The following CNTNAP2 variants were observed in gnomAD, a reference collection of about 807,000 sequenced individuals.
CNTNAP2 encodes the protein contactin associated protein 2.
CNTNAP2 carries 98 observed loss-of-function variants against 155.2 expected under a neutral mutation model. That is an observed-to-expected ratio of 0.63 (90% confidence interval 0.54 to 0.75). CNTNAP2 has a LOEUF of 0.75. Among genes scored for constraint, CNTNAP2 ranks in the 30% least tolerant of loss-of-function variants. The pLI is 0.00. For synonymous variants in CNTNAP2, 651 were observed against 631.2 expected (o/e 1.03, Z -0.47); for missense variants, 1,727 against 1,688.1 (o/e 1.02, Z -0.40).
chr7:146,699,169 C>T (rs1482611419), intron 1 of CNTNAP2, among the ~76,000 whole-genome samples: 1 of 152,088 alleles, frequency 6.6e-6, no homozygotes, highest in African/African-American at 2.4e-5. Flanking sequence ...CTGACTTTAA[C>T]TTGCCTTGTA....
intron 13 of CNTNAP2, among the ~76,000 whole-genome samples, chr7:147,722,505 T>A (rs1796579799): frequency 6.6e-6 from 1 of 152,124 alleles, no homozygotes; most frequent in South Asian, 2.1e-4. Flanking sequence ...TGCACAGCCC[T>A]TCACCTAATT....
intron 13 of CNTNAP2, among the ~76,000 whole-genome samples, chr7:147,893,880 T>C (rs28695531): frequency 0.031 from 4,706 of 152,240 alleles, 225 homozygotes; most frequent in African/African-American, 0.11. Context: ...TTAGGACTAG[T>C]AGCCTGTTTC....
intron 4 of CNTNAP2, among the ~76,000 whole-genome samples, chr7:147,093,196 G>A (rs1172859829): frequency 5.0e-5 from 7 of 139,326 alleles, no homozygotes; most frequent in African/African-American, 1.1e-4. Context: ...AGCTGAGATC[G>A]CACCACTGCA....
intron 1 of CNTNAP2, among the ~76,000 whole-genome samples, chr7:146,684,407 C>A (rs1290352118): frequency 6.6e-6 from 1 of 151,846 alleles, no homozygotes; most frequent in Non-Finnish European, 1.5e-5. Context: ...TATACACAAG[C>A]AAATGGAGGT....
rs951831260 is a variant in CNTNAP2 at position 146,537,626 on chromosome 7, T to C, written c.98-236645T>C. On this transcript the variant is annotated intron_variant, in intron 1 of 23. Coordinates refer to ENST00000361727, the MANE Select transcript of CNTNAP2 (RefSeq NM_014141.6). The stretch of plus-strand genomic sequence containing the variant: ...GGCCTTGCGATTTTAAGTTGGGTGG[T>C]ATGGGAAGATGTCACTGAGTAGATG... Among the ~76,000 whole-genome samples, 5 of 151,936 alleles carry C rather than the reference T, an allele frequency of 3.3e-5. No individual in the cohort carries two copies. The South Asian group carries it at 8.3e-4, about 25-fold the overall frequency.
chr7:147,522,844 T>G (rs2116709644), intron 11 of CNTNAP2, among the ~76,000 whole-genome samples: 1 of 151,890 alleles, frequency 6.6e-6, no homozygotes, highest in African/African-American at 2.4e-5. Flanking sequence ...AAAAAAATAT[T>G]ACTCTGCCTT....
At chr7:146,686,506 GACTTATGT>G (rs1302989500) in intron 1 of CNTNAP2, among the ~76,000 whole-genome samples, 2 of 151,970 alleles carry the variant, frequency 1.3e-5, no homozygotes, top group East Asian at 1.9e-4. Flanking sequence ...TACAAATACA[GACTTATGT>G]ACTCCTCTCC....
chr7:148,038,656 A>T (rs368831057), intron 15 of CNTNAP2, among the ~76,000 whole-genome samples: 13 of 152,280 alleles, frequency 8.5e-5, no homozygotes, highest in East Asian at 1.9e-4. Context: ...TACCCATTAA[A>T]TGTTTCTTTA....
chr7:147,483,839 G>T (rs938166305), intron 10 of CNTNAP2, among the ~76,000 whole-genome samples: 1 of 152,138 alleles, frequency 6.6e-6, no homozygotes. Context: ...CTCAGGGCCT[G>T]TACAGAATAG....
At chr7:148,392,952 T>C (rs1332998072) in intron 22 of CNTNAP2, among the ~76,000 whole-genome samples, 1 of 152,076 alleles carries the variant, frequency 6.6e-6, no homozygotes, top group Non-Finnish European at 1.5e-5. Context: ...ATCGGACACT[T>C]TACCACTGGC....
At chr7:147,959,024 T>C (rs963232362) in intron 14 of CNTNAP2, among the ~76,000 whole-genome samples, 16 of 152,182 alleles carry the variant, frequency 1.1e-4, no homozygotes, top group African/African-American at 3.9e-4. Context: ...TATTAAACTG[T>C]GATTCTGAAA....
At chr7:147,391,181 C>T (rs927391914) in intron 9 of CNTNAP2, among the ~76,000 whole-genome samples, 1 of 152,128 alleles carries the variant, frequency 6.6e-6, no homozygotes, top group Non-Finnish European at 1.5e-5. Context: ...AAATTAGACT[C>T]TCTGGTTCAA....
chr7:147,167,755 A>C (rs1034513353), intron 8 of CNTNAP2, among the ~76,000 whole-genome samples: 3 of 152,108 alleles, frequency 2.0e-5, no homozygotes, highest in Non-Finnish European at 2.9e-5. Flanking sequence ...AGTTTGAAAA[A>C]TACCTTCATT....
intron 1 of CNTNAP2, among the ~76,000 whole-genome samples, chr7:146,459,050 A>T (rs889995427): frequency 3.9e-5 from 6 of 152,124 alleles, no homozygotes; most frequent in African/African-American, 1.2e-4. Context: ...CTACTTAACA[A>T]TCAGAAGGCA....
chr7:147,801,985 G>A lies in CNTNAP2; in HGVS notation c.2099-101580G>A, dbSNP rs1337702430. On this transcript the variant is annotated intron_variant, in intron 13 of 23. Transcript: ENST00000361727. The stretch of plus-strand genomic sequence containing the variant: ...CCCCCACCTCCCTCCCGGACGGGGT[G>A]GCTGCCGGGCGGAGACGCTCCTCAC... Among the ~76,000 whole-genome samples the A allele has an allele frequency of 5.3e-5, 8 of 151,608 alleles. No individual in the cohort carries two copies. The South Asian group carries it at 6.3e-4, about 12-fold the overall frequency.
intron 4 of CNTNAP2, among the ~76,000 whole-genome samples, chr7:147,066,645 G>C (rs199600531): frequency 6.6e-6 from 1 of 152,120 alleles, no homozygotes; most frequent in Non-Finnish European, 1.5e-5. Flanking sequence ...GAGAAAGGGT[G>C]CACAAACTCA....
intron 1 of CNTNAP2, among the ~76,000 whole-genome samples, chr7:146,308,472 T>G (rs564455902): frequency 6.6e-6 from 1 of 152,264 alleles, no homozygotes; most frequent in African/African-American, 2.4e-5. Context: ...GCCATCCCAT[T>G]ACTGCGCATA....
chr7:147,235,589 A>T (rs1016570447), intron 8 of CNTNAP2, among the ~76,000 whole-genome samples: 1 of 152,118 alleles, frequency 6.6e-6, no homozygotes, highest in African/African-American at 2.4e-5. Flanking sequence ...ATCGGTATGG[A>T]TTAAAAGTGT....
chr7:147,386,223 G>T (rs947801556), intron 9 of CNTNAP2, among the ~76,000 whole-genome samples: 1 of 152,176 alleles, frequency 6.6e-6, no homozygotes, highest in East Asian at 1.9e-4. Flanking sequence ...AGGGGCTGCC[G>T]CAAAGTTCTG....
Sources: gnomAD v4.1 joint callset for allele counts (sites outside exome capture counted in the v4.1 genomes callset) on GRCh38, gnomAD v4.1.1 for gene constraint, MANE v1.5 for transcripts, NCBI Gene and HGNC (gene_info 2026-07-23, HGNC 2026-07-21) for gene names.